ARSG: variants seen among roughly 807,000 people sequenced by gnomAD.
ARSG encodes arylsulfatase G.
A neutral mutation model predicts 50.5 loss-of-function variants in ARSG; 37 were observed. The ratio of observed to expected loss-of-function variants is 0.73; its 90% CI spans 0.56 to 0.96. ARSG has a LOEUF of 0.96. Among genes scored for constraint, ARSG ranks in the 50% least tolerant of loss-of-function variants. The probability of loss-of-function intolerance (pLI) is 0.00; values close to 1 mark genes in which losing one functional copy is unlikely to be tolerated. For missense variants in ARSG, 629 were observed against 675.3 expected (o/e 0.93, Z 0.76); for synonymous variants, 225 against 254.6 (o/e 0.88, Z 1.11).
intron 5 of ARSG, 99 bp from the exon 6 acceptor site, chr17:68,356,562 AGAGTGT>A (rs1305198129): frequency 3.8e-6 from 5 of 1,328,788 alleles, no homozygotes; most frequent in Non-Finnish European, 5.3e-6. Context: ...ATTTGGGGCC[AGAGTGT>A]TGTATTTATG....
intron 1 of ARSG, chr17:68,272,595 G>A (rs372053091): frequency 5.0e-6 from 8 of 1,597,492 alleles, no homozygotes; most frequent in Non-Finnish European, 6.8e-6. Context: ...CCTGAGTGAC[G>A]TCTCTCATCC....
At chr17:68,429,414 G>C in the ARSG span, among the ~76,000 whole-genome samples, 26 of 152,238 alleles carry the variant, frequency 1.7e-4, no homozygotes, top group East Asian at 5.0e-3. Flanking sequence ...CTAGAAAACA[G>C]ATCTGGAGGC....
chr17:68,403,043 A>G (rs1168644558), intron 11 of ARSG, among the ~76,000 whole-genome samples: 2 of 152,206 alleles, frequency 1.3e-5, no homozygotes, highest in African/African-American at 4.8e-5. Context: ...TAAAAAAATT[A>G]TTTTCCCTGA....
intron 2 of ARSG, among the ~76,000 whole-genome samples, chr17:68,333,408 A>T (rs544994759): frequency 3.3e-5 from 5 of 152,176 alleles, no homozygotes; most frequent in African/African-American, 1.2e-4. Context: ...CGGGCGGATC[A>T]CCTGAGGTCA....
the ARSG span, among the ~76,000 whole-genome samples, chr17:68,449,389 C>T: frequency 3.9e-5 from 6 of 152,144 alleles, no homozygotes; most frequent in Admixed American, 6.5e-5. Flanking sequence ...CAGCACTCTG[C>T]GAGGCCAAGG....
chr17:68,352,179 G>C (rs891475383), intron 5 of ARSG, among the ~76,000 whole-genome samples: 18 of 150,340 alleles, frequency 1.2e-4, no homozygotes, highest in South Asian at 4.3e-4. Flanking sequence ...GAGAGAGAGA[G>C]AGAGACAGAG....
At chr17:68,403,533 T>TA (rs1325734825) in intron 11 of ARSG, among the ~76,000 whole-genome samples, 2 of 152,164 alleles carry the variant, frequency 1.3e-5, no homozygotes, top group Non-Finnish European at 2.9e-5. Context: ...TCCAGTTACT[T>TA]ACAACTGCTT....
rs2076634726 is a variant in ARSG at position 68,307,009 on chromosome 17, T to G, written c.-485T>G. On this transcript the variant is annotated 5_prime_UTR_variant, in exon 2 of 12. Coordinates refer to ENST00000621439, the MANE Select transcript of ARSG (RefSeq NM_001267727.2). ...CAGTTATTCGGGGCTGACGGCGGCTTCTAGAACATCCAGGTGTTCTGCAGA... is the reference window on the plus strand; with the variant it reads ...CAGTTATTCGGGGCTGACGGCGGCTGCTAGAACATCCAGGTGTTCTGCAGA... 6.5e-6 allele frequency: 1 copy of G among 153,132 alleles called. No homozygotes were observed. The highest frequency in any genetic ancestry group is 2.4e-5 in the African/African-American group (1 of 41,446). 9.5% of individuals were successfully genotyped at this position (153,132 alleles called of 1,614,324 possible). A position where few individuals can be genotyped will look rare whatever the true frequency, so the allele number is the denominator to read the frequency against.
Position 68,420,349 on chromosome 17 carries a change from C to T in ARSG, c.1464C>T (p.Asp488=), listed in dbSNP as rs771398663. ...VLPEVRKVLA[D]VLQDIANDNI... is the part of the protein sequence containing the mutation. ...CCGAGGTCAGAAAGGTTCTTGCAGA[C>T]GTCCTCCAAGACATTGCCAACGACA... The change falls in exon 12 of 12, where the codon GAC becomes GAT. Residue 488 remains aspartate (D), a synonymous_variant. Coordinates refer to ENST00000621439, the MANE Select transcript of ARSG (RefSeq NM_001267727.2). The T allele has an allele frequency of 5.6e-6, 9 of 1,614,042 alleles. No homozygotes were observed. The East Asian group carries it at 1.1e-4, about 20-fold the overall frequency.
At chr17:68,273,943 G>A (rs1555749985) in intron 1 of ARSG, 1 of 1,614,144 alleles carries the variant, frequency 6.2e-7, no homozygotes, top group Admixed American at 1.7e-5. Context: ...TGATGCCGAT[G>A]GCGACGTACA....
the ARSG span, among the ~76,000 whole-genome samples, chr17:68,429,767 T>C: frequency 1.3e-5 from 2 of 152,160 alleles, no homozygotes; most frequent in Non-Finnish European, 2.9e-5. Context: ...TTTTGTATTT[T>C]TAGTAGAGAC....
the ARSG span, among the ~76,000 whole-genome samples, chr17:68,429,722 G>C: frequency 6.6e-6 from 1 of 152,098 alleles, no homozygotes; most frequent in Non-Finnish European, 1.5e-5. Context: ...CCAAGTAGCT[G>C]GGACTACAGG....
chr17:68,295,671 A>ATT lies in ARSG; in HGVS notation c.-552+4128_-552+4129dup, dbSNP rs56840354. On this transcript the variant is annotated intron_variant, in intron 1 of 11. Transcript: ENST00000621439. ...CGGCAAGACACCACATCTAAGACAA[A>ATT]TTTTTTTTTTTTTTTTTTTTTTTTT... Among the ~76,000 whole-genome samples, 132 of 114,544 alleles carry ATT rather than the reference A, an allele frequency of 1.2e-3. 1 individual carries two copies. Among genetic ancestry groups the ATT allele is most frequent in the African/African-American group, 3.0e-3 (72 of 24,118 alleles). 75.1% of individuals were successfully genotyped at this position (114,544 alleles called of 152,430 possible).
At chr17:68,394,449 A>G (rs1020784163) in intron 9 of ARSG, among the ~76,000 whole-genome samples, 5 of 152,172 alleles carry the variant, frequency 3.3e-5, no homozygotes, top group Non-Finnish European at 7.3e-5. Flanking sequence ...AAAAAAATAA[A>G]TAAATAAATA....
intron 9 of ARSG, among the ~76,000 whole-genome samples, chr17:68,390,628 G>A (rs1304711013): frequency 6.6e-6 from 1 of 151,704 alleles, no homozygotes; most frequent in African/African-American, 2.4e-5. Flanking sequence ...TGGAATTTTG[G>A]AATTTTTTTT....
intron 2 of ARSG, among the ~76,000 whole-genome samples, chr17:68,310,083 C>A (rs2076791349): frequency 6.6e-6 from 1 of 151,578 alleles, no homozygotes; most frequent in East Asian, 2.0e-4. Flanking sequence ...AAGCGATTCT[C>A]CTGCCTCAGC....
chr17:68,429,506 T>C, the ARSG span, among the ~76,000 whole-genome samples: 1 of 152,228 alleles, frequency 6.6e-6, no homozygotes, highest in Non-Finnish European at 1.5e-5. Flanking sequence ...CCATGCCAAC[T>C]TCTGGCTGCC....
upstream of ARSG, among the ~76,000 whole-genome samples, chr17:68,287,411 C>T (rs973169786): frequency 1.3e-5 from 2 of 151,742 alleles, no homozygotes; most frequent in East Asian, 1.9e-4. Flanking sequence ...CCTCCCACCT[C>T]GGCCTCCCAA....
chr17:68,318,857 A>G (rs2077172819), intron 2 of ARSG, among the ~76,000 whole-genome samples: 1 of 152,186 alleles, frequency 6.6e-6, no homozygotes. Context: ...GGCTGTTTCT[A>G]AAACGGGCCT....
Sources: allele counts gnomAD v4.1 joint callset (sites outside exome capture counted in the v4.1 genomes callset), GRCh38; gene constraint gnomAD v4.1.1; transcripts MANE v1.5; gene names NCBI Gene and HGNC (gene_info 2026-07-23, HGNC 2026-07-21).